Variants in RGS10 observed in about 807,000 individuals in gnomAD.
RGS10 encodes regulator of G protein signaling 10.
RGS10 carries 11 observed loss-of-function variants against 23.5 expected under a neutral mutation model. The ratio of observed to expected loss-of-function variants is 0.47; its 90% CI spans 0.29 to 0.77. The LOEUF is 0.77. Ranked by LOEUF, RGS10 falls within the 30% of genes least tolerant of loss-of-function variation. The pLI, the probability that RGS10 is intolerant of heterozygous loss-of-function variation, is 0.08. For missense variants in RGS10, 180 were observed against 226.3 expected (o/e 0.80, Z 1.31); for synonymous variants, 77 against 83.2 (o/e 0.92, Z 0.41).
chr10:119,527,396 G>T lies in RGS10; in HGVS notation c.78C>A (p.Ser26Arg). 6.2e-7 allele frequency: 1 copy of T among 1,614,188 alleles called. No individual in the cohort carries two copies. Residue 26 changes from serine to arginine, a missense_variant, in exon 2 of 5, where the codon AGC (serine) becomes AGA (arginine). Ser to Arg is a moderately radical substitution (Grantham distance 110). Transcript: ENST00000369103. This position sits in a 1 kb window ranked among gnomAD's most constrained non-coding sequence, Gnocchi z 4.2. ...TGCTCTTGAGGCTCTGGTGGCTGCT[G>T]CTGGAACTGCCATCGCTGTCGTGGA... ...SDIHDSDGSSSSSHQSLKSTA... is the reference protein window; with the variant it reads ...SDIHDSDGSSRSSHQSLKSTA...
chr10:119,519,638 TGTCTCCCTGTCTGTCTCC>T (rs1471364655), intron 3 of RGS10, among the ~76,000 whole-genome samples: 5 of 118,134 alleles, frequency 4.2e-5, no homozygotes, highest in Non-Finnish European at 8.5e-5. Context: ...TCCCAGCTCC[TGTCTCCCTGTCTGTCTCC>T]CAGCTCCTGT....
intron 4 of RGS10, among the ~76,000 whole-genome samples, chr10:119,502,318 C>T (rs1843961233): frequency 1.3e-5 from 2 of 152,112 alleles, no homozygotes; most frequent in Admixed American, 1.3e-4. Context: ...TTCAGAGGCT[C>T]ACCTAGTTCA....
chr10:119,501,784 T>C (rs1051925781), intron 4 of RGS10, among the ~76,000 whole-genome samples: 4 of 152,044 alleles, frequency 2.6e-5, no homozygotes, highest in Non-Finnish European at 4.4e-5. Context: ...CTCAAAGGAC[T>C]CAGAACATCT....
chr10:119,533,039 CAAAAAAAAAAA>C (rs537478454), intron 1 of RGS10, among the ~76,000 whole-genome samples: 1 of 103,704 alleles, frequency 9.6e-6, no homozygotes, highest in Non-Finnish European at 1.8e-5. Context: ...GACGCTGTCT[CAAAAAAAAAAA>C]AAAAAAATCA....
In RGS10 at chr10:119,527,609, C is replaced by T. The variant is rs1307033993; in HGVS notation, c.50-185G>A. The T allele has an allele frequency of 3.5e-6, 2 of 578,016 alleles. No individual in the cohort carries two copies. Among genetic ancestry groups the T allele is most frequent in the African/African-American group, 1.9e-5 (1 of 53,432 alleles). The allele number at this position is 578,016 out of a possible 1,614,324, so 35.8% of individuals were successfully genotyped here. A position where few individuals can be genotyped will look rare whatever the true frequency, so the allele number is the denominator to read the frequency against. ...GTCACACAACCCTGTAAGGCAGGCACTACTATTTCCTCCATTTTACAGATG... is the reference window on the plus strand; with the variant it reads ...GTCACACAACCCTGTAAGGCAGGCATTACTATTTCCTCCATTTTACAGATG... On this transcript the variant is annotated intron_variant, in intron 1 of 4. Transcript: ENST00000369103. The surrounding 1 kb of genome is among the most constrained non-coding windows in gnomAD (Gnocchi z 4.2).
intron 2 of RGS10, among the ~76,000 whole-genome samples, chr10:119,526,460 T>C (rs1294914619): frequency 6.6e-6 from 1 of 152,228 alleles, no homozygotes; most frequent in Non-Finnish European, 1.5e-5. Flanking sequence ...TACATTCCTC[T>C]AAAATCAGGC....
intron 3 of RGS10, among the ~76,000 whole-genome samples, chr10:119,521,028 C>T (rs963985448): frequency 3.3e-5 from 5 of 152,100 alleles, no homozygotes; most frequent in Admixed American, 6.6e-5. Context: ...GAATGAACTC[C>T]GCCTCTGCCT....
chr10:119,528,749 G>A (rs746841272), intron 1 of RGS10, among the ~76,000 whole-genome samples: 2 of 151,908 alleles, frequency 1.3e-5, no homozygotes, highest in South Asian at 2.1e-4. Context: ...CAGGAGAAAC[G>A]CTTGAACCCA....
intron 4 of RGS10, among the ~76,000 whole-genome samples, chr10:119,511,042 A>G (rs1844071796): frequency 6.6e-6 from 1 of 152,126 alleles, no homozygotes; most frequent in African/African-American, 2.4e-5. Context: ...TAAAGAAGAA[A>G]AGACACTGTA....
rs796997235 is a variant in RGS10 at position 119,542,034 on chromosome 10, C to G, written c.49+556G>C. On this transcript the variant is annotated intron_variant, in intron 1 of 4. Transcript: ENST00000369103. ...AATCCTTCGTAACGTCAGAACTTCGCTGGCTCGGACCGCAGAAGTGCCCTT... is the reference window on the plus strand; with the variant it reads ...AATCCTTCGTAACGTCAGAACTTCGGTGGCTCGGACCGCAGAAGTGCCCTT... 1.5e-4 allele frequency among the ~76,000 whole-genome samples: 23 copies of G among 152,372 alleles called. 1 individual carries two copies. Among genetic ancestry groups the G allele is most frequent in the African/African-American group, 4.8e-4 (20 of 41,596 alleles).
At position 119,526,036 on chromosome 10, in the gene RGS10, G is replaced by C; in HGVS notation, c.251C>G (p.Thr84Arg). 6.5e-7 allele frequency: 1 copy of C among 1,548,364 alleles called. No homozygotes were observed. Among genetic ancestry groups the C allele is most frequent in the Admixed American group, 1.9e-5 (1 of 53,032 alleles). Residue 84 changes from threonine to arginine, a missense_variant, in exon 3 of 5, where the codon ACG becomes AGG. Thr to Arg is a moderately conservative substitution (Grantham distance 71). Coordinates refer to ENST00000369103, the MANE Select transcript of RGS10 (RefSeq NM_001005339.2). Reference sequence around the variant, plus strand: ...TTATCAGAGTGGAGGAAATACCTGCGTCTTATCTTGCATTTTCTTAAAATC... The same window carrying C: ...TTATCAGAGTGGAGGAAATACCTGCCTCTTATCTTGCATTTTCTTAAAATC... Reference protein sequence around the residue: ...CEDFKKMQDKTQMQEKAKEIY... With the variant: ...CEDFKKMQDKRQMQEKAKEIY...
At chr10:119,535,479 A>G (rs1320498259) in intron 1 of RGS10, among the ~76,000 whole-genome samples, 2 of 152,180 alleles carry the variant, frequency 1.3e-5, no homozygotes, top group Non-Finnish European at 2.9e-5. Flanking sequence ...TTATTTATAG[A>G]TGCTATGATG....
intron 4 of RGS10, among the ~76,000 whole-genome samples, chr10:119,511,379 G>C (rs1367225321): frequency 6.6e-6 from 1 of 152,120 alleles, no homozygotes; most frequent in Non-Finnish European, 1.5e-5. Flanking sequence ...AGTACTTTGG[G>C]AGGCCGAGGT....
intron 4 of RGS10, among the ~76,000 whole-genome samples, chr10:119,503,087 T>C (rs1228423966): frequency 6.6e-6 from 1 of 152,020 alleles, no homozygotes; most frequent in Non-Finnish European, 1.5e-5. Flanking sequence ...GGATGGAGAA[T>C]GCAACTAAGG....
intron 1 of RGS10, among the ~76,000 whole-genome samples, chr10:119,536,729 C>A (rs903566419): frequency 6.6e-6 from 1 of 152,150 alleles, no homozygotes; most frequent in African/African-American, 2.4e-5. Context: ...TAGGCAAAGT[C>A]CAGAAAAAAG....
intron 1 of RGS10, among the ~76,000 whole-genome samples, chr10:119,530,365 T>A (rs776332858): frequency 1.3e-5 from 2 of 152,172 alleles, no homozygotes; most frequent in Admixed American, 1.3e-4. Context: ...ACCAGGATTT[T>A]AGACATTCAC....
intron 4 of RGS10, among the ~76,000 whole-genome samples, chr10:119,510,367 C>T (rs1188472410): frequency 6.6e-6 from 1 of 152,178 alleles, no homozygotes; most frequent in East Asian, 1.9e-4. Flanking sequence ...CCTTTGCGCT[C>T]ACCTCTCCTT....
intron 1 of RGS10, chr10:119,536,439 G>C (rs767586098): frequency 6.2e-7 from 1 of 1,611,272 alleles, no homozygotes; most frequent in South Asian, 1.1e-5. Context: ...TGCGGACATG[G>C]AAAGGGGTGG....
At chr10:119,537,804 G>A (rs1008810055) in intron 1 of RGS10, among the ~76,000 whole-genome samples, 1 of 152,176 alleles carries the variant, frequency 6.6e-6, no homozygotes, top group African/African-American at 2.4e-5. Context: ...GCTGGTAGAG[G>A]AAGGACAGTC....
Sources: allele counts gnomAD v4.1 joint callset (sites outside exome capture counted in the v4.1 genomes callset), GRCh38; gene constraint gnomAD v4.1.1; non-coding constraint Gnocchi (gnomAD v3.1); transcripts MANE v1.5; gene names NCBI Gene and HGNC (gene_info 2026-07-23, HGNC 2026-07-21).